The following ANKDD1A variants were observed in gnomAD, a reference collection of about 807,000 sequenced individuals.
ANKDD1A encodes the protein ankyrin repeat and death domain-containing protein 1A.
In ANKDD1A, 59 loss-of-function variants were observed where a neutral mutation model predicts 63.5. That is an observed-to-expected ratio of 0.93 (90% CI 0.75 to 1.15). ANKDD1A has a LOEUF of 1.15. ANKDD1A is among the 50% of genes most tolerant of loss of function. The pLI is 0.00. For synonymous variants in ANKDD1A, 266 were observed against 263.9 expected (o/e 1.01, Z -0.08); for missense variants, 632 against 656.4 (o/e 0.96, Z 0.41).
At chr15:64,925,656 G>A (rs535169984) in intron 4 of ANKDD1A, among the ~76,000 whole-genome samples, 29 of 152,280 alleles carry the variant, frequency 1.9e-4, no homozygotes, top group African/African-American at 6.7e-4. Flanking sequence ...GAGGCTACTA[G>A]TGCTACACGA....
chr15:64,922,097 C>G, intron 4 of ANKDD1A, 78 bp downstream of exon 4: 1 of 1,357,722 alleles, frequency 7.4e-7, no homozygotes, highest in Non-Finnish European at 1.0e-6. Flanking sequence ...ACCTCTGTCC[C>G]CCACCCCTGC....
At chr15:64,949,769 TAGAC>T in intron 13 of ANKDD1A, 68 bp from the exon 14 acceptor site, 2 of 1,573,666 alleles carry the variant, frequency 1.3e-6, no homozygotes, top group Non-Finnish European at 1.7e-6. Context: ...CAGGGTGGCA[TAGAC>T]AGGCGCTCTG....
intron 1 of ANKDD1A, among the ~76,000 whole-genome samples, chr15:64,915,392 G>T (rs2084961682): frequency 6.6e-6 from 1 of 152,224 alleles, no homozygotes; most frequent in African/African-American, 2.4e-5. Context: ...AGGTGGCTCA[G>T]TAAATCCTGG....
chr15:64,929,092 G>T (rs1358769243), intron 6 of ANKDD1A, among the ~76,000 whole-genome samples: 1 of 152,228 alleles, frequency 6.6e-6, no homozygotes, highest in African/African-American at 2.4e-5. Flanking sequence ...CAGGCTATAG[G>T]CTGCAGAGAA....
At chr15:64,942,642 C>A in intron 10 of ANKDD1A, 77 bp downstream of exon 10, 4 of 1,101,520 alleles carry the variant, frequency 3.6e-6, no homozygotes, top group Non-Finnish European at 5.2e-6. Flanking sequence ...TGGCTGTGGT[C>A]TCCTAGCATG....
chr15:64,948,816 A>G (rs1379207412), intron 13 of ANKDD1A, among the ~76,000 whole-genome samples: 1 of 151,830 alleles, frequency 6.6e-6, no homozygotes, highest in East Asian at 1.9e-4. Context: ...ACAGAGTGAG[A>G]CTCTGTCTCC....
At chr15:64,952,540 TTC>T (rs2085311444) in intron 14 of ANKDD1A, among the ~76,000 whole-genome samples, 3 of 108,660 alleles carry the variant, frequency 2.8e-5, no homozygotes, top group Non-Finnish European at 3.9e-5. Context: ...CTTCTTCTCC[TTC>T]TCCTCCTCCT....
intron 5 of ANKDD1A, 99 bp from the exon 6 acceptor site, chr15:64,926,800 TAC>T: frequency 7.8e-7 from 1 of 1,286,556 alleles, no homozygotes; most frequent in Non-Finnish European, 1.1e-6. Context: ...GAGAGGCCAC[TAC>T]AAAGCCAGAG....
chr15:64,944,855 C>A, intron 12 of ANKDD1A, 108 bp downstream of exon 12: 4 of 1,056,004 alleles, frequency 3.8e-6, no homozygotes, highest in South Asian at 1.6e-5. Context: ...GTCCCTCAGT[C>A]TCCAAGCAGG....
chr15:64,942,635 C>T (rs1431299937), intron 10 of ANKDD1A, 70 bp downstream of exon 10: 5 of 1,233,718 alleles, frequency 4.1e-6, no homozygotes, highest in African/African-American at 3.1e-5. Flanking sequence ...GCAGGCTTGG[C>T]TGTGGTCTCC....
chr15:64,954,130 CTTCCTCTTTCTTCTTG>C lies in ANKDD1A; in HGVS notation c.1484-2967_1484-2952del, dbSNP rs1252916055. Reference sequence around the variant, plus strand: ...TTCTTCCTTTCTTTTCTCCTTTCTTCTTCCTCTTTCTTCTTGTTCCTTATTATTCTTTCTTCTTTCT... The same window carrying C: ...TTCTTCCTTTCTTTTCTCCTTTCTTCTTCCTTATTATTCTTTCTTCTTTCT... On this transcript the variant is annotated intron_variant, in intron 14 of 14. Transcript: ENST00000319580. 8.0e-5 allele frequency among the ~76,000 whole-genome samples: 10 copies of C among 124,936 alleles called. No homozygotes were observed. The East Asian group carries it at 1.6e-3, about 19-fold the overall frequency. The allele number at this position is 124,936 out of a possible 152,430, so 82.0% of individuals were successfully genotyped here.
At chr15:64,926,801 A>T in intron 5 of ANKDD1A, 100 bp from the exon 6 acceptor site, 3 of 1,287,142 alleles carry the variant, frequency 2.3e-6, no homozygotes, top group Non-Finnish European at 3.4e-6. Context: ...AGAGGCCACT[A>T]CAAAGCCAGA....
At position 64,917,410 on chromosome 15, in the gene ANKDD1A, G is replaced by A; in HGVS notation, c.163G>A (p.Ala55Thr). 6.2e-7 allele frequency: 1 copy of A among 1,611,176 alleles called. No homozygotes were observed. Among genetic ancestry groups the A allele is most frequent in the Non-Finnish European group, 8.5e-7 (1 of 1,179,338 alleles). ...NHVGRVALHW[A>T]AGAGHEQAVR... ...GGTGGGCAGGGTGGCCCTGCACTGG[G>A]CTGCAGGTGCAGGGCACGAGCAGGC... Residue 55 changes from alanine to threonine, a missense_variant, in exon 3 of 15, where the codon GCT (alanine) becomes ACT (threonine). Physicochemically the swap from Ala to Thr is moderately conservative, Grantham distance 58. Coordinates refer to ENST00000319580, the MANE Select transcript of ANKDD1A (RefSeq NM_182703.6).
At chr15:64,930,999 G>A in intron 7 of ANKDD1A, 79 bp downstream of exon 7, 1 of 1,465,730 alleles carries the variant, frequency 6.8e-7, no homozygotes, top group South Asian at 1.2e-5. Flanking sequence ...CCAGTCCATG[G>A]TGAAGTCTAA....
chr15:64,956,234 TTTTTTTTTC>T (rs1156681051), intron 14 of ANKDD1A, among the ~76,000 whole-genome samples: 3 of 99,336 alleles, frequency 3.0e-5, no homozygotes, highest in Non-Finnish European at 6.9e-5. Flanking sequence ...TTGGATTCCT[TTTTTTTTTC>T]TTTTTTTTTG....
intron 8 of ANKDD1A, chr15:64,932,683 A>G (rs2085100877): frequency 6.6e-6 from 1 of 152,118 alleles, no homozygotes; most frequent in African/African-American, 2.4e-5. Context: ...AATAAATAAT[A>G]CAATATAAAT....
chr15:64,943,541 A>G lies in ANKDD1A; in HGVS notation c.1024A>G (p.Met342Val), dbSNP rs752486433. The G allele has an allele frequency of 3.7e-6, 6 of 1,614,146 alleles. No homozygotes were observed. Among genetic ancestry groups the G allele is most frequent in the Non-Finnish European group, 5.1e-6 (6 of 1,180,034 alleles). Residue 342 changes from methionine to valine, a missense_variant, in exon 11 of 15, where the codon ATG becomes GTG. Physicochemically the swap from Met to Val is conservative, Grantham distance 21. Transcript: ENST00000319580. ...AEHAWQDIADMLLIAGVDLNL... is the reference protein window; with the variant it reads ...AEHAWQDIADVLLIAGVDLNL... ...GCACGCCTGGCAGGACATAGCAGAT[A>G]TGCTCCTCATTGCTGGGGTTGACTT...
At chr15:64,930,253 T>C (rs1025292023) in intron 6 of ANKDD1A, among the ~76,000 whole-genome samples, 3 of 99,712 alleles carry the variant, frequency 3.0e-5, no homozygotes, top group African/African-American at 1.1e-4. Context: ...GAACTTAAAG[T>C]AAAATTAAAA....
intron 1 of ANKDD1A, among the ~76,000 whole-genome samples, chr15:64,912,632 G>A (rs1178614780): frequency 1.3e-5 from 2 of 152,250 alleles, no homozygotes; most frequent in Non-Finnish European, 2.9e-5. Flanking sequence ...TGGCTGCACC[G>A]TCTGGGAGAG....
Sources: allele counts gnomAD v4.1 joint callset (sites outside exome capture counted in the v4.1 genomes callset), GRCh38; gene constraint gnomAD v4.1.1; transcripts MANE v1.5; gene names NCBI Gene and HGNC (gene_info 2026-07-23, HGNC 2026-07-21).